The following TSPAN15 variants were observed in gnomAD, a reference collection of about 807,000 sequenced individuals.
The protein encoded by TSPAN15 is tetraspanin-15.
A neutral mutation model predicts 34.5 loss-of-function variants in TSPAN15; 20 were observed. The ratio of observed to expected loss-of-function variants is 0.58; its 90% CI spans 0.41 to 0.84. The LOEUF (loss-of-function observed/expected upper bound fraction) is 0.84. TSPAN15 is among the 40% of genes least tolerant of loss of function. The pLI, the probability that TSPAN15 is intolerant of heterozygous loss-of-function variation, is 0.00. For missense variants in TSPAN15, 313 were observed against 386.1 expected, an observed-to-expected ratio of 0.81 and a Z score of 1.59; for synonymous variants, 155 against 153.9, an observed-to-expected ratio of 1.01 and a Z score of -0.05.
the TSPAN15 span, among the ~76,000 whole-genome samples, chr10:69,539,524 A>G: frequency 1.3e-3 from 152 of 115,524 alleles, 3 homozygotes; most frequent in African/African-American, 4.4e-3. Context: ...GAAGAAGAAG[A>G]AGAAGAAGAA....
the TSPAN15 span, among the ~76,000 whole-genome samples, chr10:69,543,585 C>G: frequency 6.6e-6 from 1 of 152,128 alleles, no homozygotes; most frequent in African/African-American, 2.4e-5. Flanking sequence ...GAGGGAAGGG[C>G]AGCATTGTCA....
At chr10:69,454,168 G>C (rs1429089319) in intron 1 of TSPAN15, among the ~76,000 whole-genome samples, 3 of 152,166 alleles carry the variant, frequency 2.0e-5, no homozygotes, top group Non-Finnish European at 4.4e-5. Flanking sequence ...GGTCTGGAGG[G>C]CCATAAGTTT....
chr10:69,468,830 T>C (rs1394070051), intron 1 of TSPAN15, among the ~76,000 whole-genome samples: 1 of 152,210 alleles, frequency 6.6e-6, no homozygotes, highest in Admixed American at 6.5e-5. Flanking sequence ...ACATTTCTTA[T>C]GACATTCCTG....
intron 3 of TSPAN15, among the ~76,000 whole-genome samples, chr10:69,493,617 C>T (rs185633306): frequency 1.3e-3 from 197 of 152,196 alleles, no homozygotes; most frequent in Non-Finnish European, 2.4e-3. Flanking sequence ...GGACTACAGG[C>T]GCACGCTGCC....
chr10:69,491,944 C>T (rs147431141), intron 3 of TSPAN15, among the ~76,000 whole-genome samples: 30 of 152,332 alleles, frequency 2.0e-4, no homozygotes, highest in African/African-American at 6.5e-4. Context: ...CATTTAAAAA[C>T]CCTGAGAGAG....
At chr10:69,535,791 G>A in the TSPAN15 span, among the ~76,000 whole-genome samples, 1 of 152,232 alleles carries the variant, frequency 6.6e-6, no homozygotes, top group Non-Finnish European at 1.5e-5. Flanking sequence ...AGAGTGATGT[G>A]AACCCAGTCC....
chr10:69,501,992 A>G (rs564878634), intron 5 of TSPAN15, among the ~76,000 whole-genome samples: 12 of 74,950 alleles, frequency 1.6e-4, no homozygotes, highest in Non-Finnish European at 3.2e-4. Flanking sequence ...CCCGCACCCC[A>G]TCCTGTGGAA....
At chr10:69,540,929 AG>A in the TSPAN15 span, among the ~76,000 whole-genome samples, 1 of 152,194 alleles carries the variant, frequency 6.6e-6, no homozygotes, top group Non-Finnish European at 1.5e-5. Flanking sequence ...GGAAGACTCC[AG>A]CATTTGCAAC....
chr10:69,531,202 G>C, the TSPAN15 span, among the ~76,000 whole-genome samples: 1 of 147,384 alleles, frequency 6.8e-6, no homozygotes, highest in Non-Finnish European at 1.5e-5. Context: ...AGAAGAGACT[G>C]ATGTAGTCAT....
At chr10:69,548,035 A>C in the TSPAN15 span, among the ~76,000 whole-genome samples, 1 of 152,226 alleles carries the variant, frequency 6.6e-6, no homozygotes, top group Non-Finnish European at 1.5e-5. Flanking sequence ...GAGAGGCTTG[A>C]ATCACATACT....
the TSPAN15 span, among the ~76,000 whole-genome samples, chr10:69,533,154 G>T: frequency 6.6e-6 from 1 of 152,152 alleles, no homozygotes; most frequent in African/African-American, 2.4e-5. Context: ...ACTACCATTT[G>T]ATCCAGCAAT....
chr10:69,492,139 A>G (rs1176969702), intron 3 of TSPAN15, among the ~76,000 whole-genome samples: 2 of 152,134 alleles, frequency 1.3e-5, no homozygotes, highest in Admixed American at 6.5e-5. Flanking sequence ...CCCTGCTGGC[A>G]TGGCCTGGTT....
At chr10:69,486,423 T>C (rs2133118513) in intron 3 of TSPAN15, among the ~76,000 whole-genome samples, 1 of 149,082 alleles carries the variant, frequency 6.7e-6, no homozygotes, top group Non-Finnish European at 1.5e-5. Context: ...AGCCAAGTTA[T>C]CTTTTTTTTT....
At chr10:69,530,842 A>C in the TSPAN15 span, among the ~76,000 whole-genome samples, 71 of 124,092 alleles carry the variant, frequency 5.7e-4, no homozygotes, top group African/African-American at 1.5e-3. Context: ...ATATATATAT[A>C]TATATATATA....
the TSPAN15 span, among the ~76,000 whole-genome samples, chr10:69,524,234 C>T: frequency 1.4e-5 from 2 of 147,102 alleles, no homozygotes; most frequent in Admixed American, 7.0e-5. Context: ...TTTGGGAGGC[C>T]GAGGTGGGTG....
chr10:69,489,371 A>T (rs2133124714), intron 3 of TSPAN15, among the ~76,000 whole-genome samples: 1 of 152,374 alleles, frequency 6.6e-6, no homozygotes, highest in Non-Finnish European at 1.5e-5. Context: ...ATCAACTTGT[A>T]CAGTTAACAC....
chr10:69,530,606 G>C, the TSPAN15 span, among the ~76,000 whole-genome samples: 1 of 145,612 alleles, frequency 6.9e-6, no homozygotes, highest in African/African-American at 2.5e-5. Context: ...AGGAGTTCGA[G>C]ACCAGCCTGG....
intron 6 of TSPAN15, among the ~76,000 whole-genome samples, chr10:69,505,444 G>A (rs1307612916): frequency 6.6e-6 from 1 of 152,046 alleles, no homozygotes; most frequent in Non-Finnish European, 1.5e-5. Context: ...CCACTGGCAT[G>A]GTTTTTAAAA....
At chr10:69,533,145 CT>C in the TSPAN15 span, among the ~76,000 whole-genome samples, 3 of 152,136 alleles carry the variant, frequency 2.0e-5, no homozygotes, top group African/African-American at 7.2e-5. Context: ...AAAAGTAGCA[CT>C]ACCATTTGAT....
Sources: allele counts gnomAD v4.1 joint callset (sites outside exome capture counted in the v4.1 genomes callset), GRCh38; gene constraint gnomAD v4.1.1; transcripts MANE v1.5; gene names NCBI Gene and HGNC (gene_info 2026-07-23, HGNC 2026-07-21).